The following FAM110A variants were observed in gnomAD, a reference collection of about 807,000 sequenced individuals.
The protein encoded by FAM110A is protein FAM110A.
FAM110A carries 1 observed loss-of-function variant against 4.0 expected under a neutral mutation model. The ratio of observed to expected loss-of-function variants is 0.25; its 90% CI spans 0.09 to 1.20. The LOEUF is 1.20. Ranked by LOEUF, FAM110A falls within the 50% of genes most tolerant of loss-of-function variation. The pLI, the probability that FAM110A is intolerant of heterozygous loss-of-function variation, is 0.50. For missense variants in FAM110A, 436 were observed against 429.2 expected (o/e 1.02, Z -0.14); for synonymous variants, 217 against 196.8 (o/e 1.10, Z -0.86).
At chr20:835,168 C>T (rs1009101786) in intron 1 of FAM110A, among the ~76,000 whole-genome samples, 1 of 72,996 alleles carries the variant, frequency 1.4e-5, no homozygotes, top group African/African-American at 8.2e-5. Flanking sequence ...CCTCCCATCT[C>T]TCTCTCTCTC....
chr20:836,462 T>C (rs1052966464), intron 1 of FAM110A, among the ~76,000 whole-genome samples: 2 of 152,224 alleles, frequency 1.3e-5, no homozygotes, highest in Non-Finnish European at 2.9e-5. Flanking sequence ...CATAACAGTA[T>C]TTGTCTTGTT....
chr20:835,508 G>A (rs538317419), intron 1 of FAM110A, among the ~76,000 whole-genome samples: 6 of 152,132 alleles, frequency 3.9e-5, no homozygotes, highest in African/African-American at 1.2e-4. Context: ...GACCTTGCAT[G>A]TGTTATCTTC....
At chr20:837,804 G>A (rs1198897516) in intron 1 of FAM110A, among the ~76,000 whole-genome samples, 1 of 152,134 alleles carries the variant, frequency 6.6e-6, no homozygotes, top group Non-Finnish European at 1.5e-5. Context: ...AGCCCAGCTT[G>A]AATGGGGGTG....
rs746529741 is a variant in FAM110A, at chr20:845,723, C to T, written c.*31C>T. Reference sequence around the variant, plus strand: ...ACTGGGCCTGGAATTCGCCACAGGACGGATCTTACAGAGGCAAGTGGTCCC... The same window carrying T: ...ACTGGGCCTGGAATTCGCCACAGGATGGATCTTACAGAGGCAAGTGGTCCC... On this transcript the variant is annotated 3_prime_UTR_variant, in exon 2 of 2. Transcript: ENST00000381941. The T allele has an allele frequency of 1.9e-6, 3 of 1,612,838 alleles. No individual in the cohort carries two copies. The highest frequency in any genetic ancestry group is 2.2e-5 in the East Asian group (1 of 44,890).
At chr20:835,172 C>T (rs1019770951) in intron 1 of FAM110A, among the ~76,000 whole-genome samples, 3 of 99,460 alleles carry the variant, frequency 3.0e-5, no homozygotes, top group African/African-American at 9.4e-5. Flanking sequence ...CCATCTCTCT[C>T]TCTCTCTCTC....
At chr20:835,188 C>A (rs866955374) in intron 1 of FAM110A, among the ~76,000 whole-genome samples, 64 of 128,716 alleles carry the variant, frequency 5.0e-4, no homozygotes, top group African/African-American at 1.7e-3. Context: ...CTCTCTCTCT[C>A]TCTCTCTCTC....
intron 1 of FAM110A, among the ~76,000 whole-genome samples, chr20:839,116 G>T (rs542606759): frequency 1.6e-4 from 25 of 152,146 alleles, no homozygotes; most frequent in African/African-American, 6.0e-4. Context: ...TTCCTTGGGG[G>T]GCACATCTGG....
Position 839,064 on chromosome 20 carries a change from C to A in FAM110A, c.-98+5113C>A, listed in dbSNP as rs138451971. On this transcript the variant is annotated intron_variant, in intron 1 of 1. Coordinates refer to ENST00000381941, the MANE Select transcript of FAM110A (RefSeq NM_001042353.3). ...GGGAGTGCTTCCTAAGGTGGTTTCT[C>A]CCTCTGGGGTCCAGCCGACGAGGCA... is the stretch of plus-strand genomic sequence containing the variant. 3.3e-5 allele frequency among the ~76,000 whole-genome samples: 5 copies of A among 152,244 alleles called. No individual in the cohort carries two copies. In the East Asian group the frequency reaches 9.7e-4, roughly 29 times the overall value.
intron 1 of FAM110A, among the ~76,000 whole-genome samples, chr20:841,595 T>C (rs1237570537): frequency 6.6e-6 from 1 of 151,766 alleles, no homozygotes; most frequent in Non-Finnish European, 1.5e-5. Context: ...GGGATCTGAG[T>C]TCCCCCCAGC....
At position 834,669 on chromosome 20, in the gene FAM110A, G is replaced by A. The variant is rs1252454568; in HGVS notation, c.-98+718G>A. ...TTGTCAGTCTCCTTTTGTAGGTGGG[G>A]AAACGGAGGTTCTAAGAAGTTAAGC... On this transcript the variant is annotated intron_variant, in intron 1 of 1. Coordinates refer to ENST00000381941, the MANE Select transcript of FAM110A (RefSeq NM_001042353.3). The surrounding 1 kb of genome is among the most constrained non-coding windows in gnomAD (Gnocchi z 5.6). Among the ~76,000 whole-genome samples the A allele has an allele frequency of 6.6e-6, 1 of 152,178 alleles. No homozygotes were observed. The highest frequency in any genetic ancestry group is 2.4e-5 in the African/African-American group (1 of 41,438).
At chr20:838,896 T>C (rs1469404738) in intron 1 of FAM110A, among the ~76,000 whole-genome samples, 1 of 150,424 alleles carries the variant, frequency 6.6e-6, no homozygotes, top group Non-Finnish European at 1.5e-5. Flanking sequence ...CTCAGCTCAC[T>C]GCAGGGAGCT....
intron 1 of FAM110A, among the ~76,000 whole-genome samples, chr20:838,276 C>A (rs1296317736): frequency 6.6e-6 from 1 of 152,240 alleles, no homozygotes; most frequent in African/African-American, 2.4e-5. Context: ...TTAACTTTCT[C>A]TCCTTTCTTT....
At chr20:842,962 G>T (rs1234955271) in intron 1 of FAM110A, among the ~76,000 whole-genome samples, 1 of 151,992 alleles carries the variant, frequency 6.6e-6, no homozygotes, top group East Asian at 1.9e-4. Flanking sequence ...TGAAACTGGG[G>T]TATAGTGAAC....
chr20:837,671 C>T (rs1979652808), intron 1 of FAM110A, among the ~76,000 whole-genome samples: 1 of 152,120 alleles, frequency 6.6e-6, no homozygotes, highest in African/African-American at 2.4e-5. Context: ...CCATGCTATA[C>T]CTTACAGATA....
chr20:839,871 G>T (rs1979788295), intron 1 of FAM110A: 1 of 1,605,340 alleles, frequency 6.2e-7, no homozygotes, highest in Non-Finnish European at 8.5e-7. Context: ...ATTCTTGTCT[G>T]CCAGCTCCGG....
At chr20:835,200 C>CTATA (rs1555787560) in intron 1 of FAM110A, among the ~76,000 whole-genome samples, 3,348 of 140,426 alleles carry the variant, frequency 0.024, 83 homozygotes, top group Middle Eastern at 0.052. Context: ...CTCTCTCTCT[C>CTATA]TATATATATA....
rs1568793174 is a variant in FAM110A, at chr20:845,290, G to C, written c.486G>C (p.Ser162=). 9 of 1,509,298 alleles carry C rather than the reference G, an allele frequency of 6.0e-6. No homozygotes were observed. In the South Asian group the frequency reaches 9.0e-5, roughly 15 times the overall value. The allele number at this position is 1,509,298 out of a possible 1,614,324, so 93.5% of individuals were successfully genotyped here. A position where few individuals can be genotyped will look rare whatever the true frequency, so the allele number is the denominator to read the frequency against. ...RRVDVRPLPA[S]PARPCPSPGP... is the part of the protein sequence containing the mutation. Reference sequence around the variant, plus strand: ...TGGACGTCCGCCCCCTGCCCGCCTCGCCTGCCCGGCCCTGCCCATCACCCG... The same window carrying C: ...TGGACGTCCGCCCCCTGCCCGCCTCCCCTGCCCGGCCCTGCCCATCACCCG... The change falls in exon 2 of 2, where the codon TCG becomes TCC. Residue 162 remains serine (S), a synonymous_variant. Coordinates refer to ENST00000381941, the MANE Select transcript of FAM110A (RefSeq NM_001042353.3).
chr20:835,213 TACACACAC>T (rs376949719), intron 1 of FAM110A, among the ~76,000 whole-genome samples: 117 of 148,498 alleles, frequency 7.9e-4, no homozygotes, highest in African/African-American at 2.8e-3. Flanking sequence ...TATATATATA[TACACACAC>T]ACATATATAC....
chr20:844,644 C>A, intron 1 of FAM110A, 64 bp from the exon 2 acceptor site: 2 of 1,191,574 alleles, frequency 1.7e-6, no homozygotes, highest in Non-Finnish European at 2.2e-6. Flanking sequence ...CTCTCAGCCG[C>A]GGCTGAGCCT....
Sources: allele counts gnomAD v4.1 joint callset (sites outside exome capture counted in the v4.1 genomes callset), GRCh38; gene constraint gnomAD v4.1.1; non-coding constraint Gnocchi (gnomAD v3.1); transcripts MANE v1.5; gene names NCBI Gene and HGNC (gene_info 2026-07-23, HGNC 2026-07-21).